The following MMS19 variants were observed in gnomAD, a reference collection of about 807,000 sequenced individuals.
MMS19 encodes the protein MMS19 cytosolic iron-sulfur assembly component, also known as MMS19 nucleotide excision repair protein homolog.
A neutral mutation model predicts 129.8 loss-of-function variants in MMS19; 77 were observed. The ratio of observed to expected loss-of-function variants is 0.59; its 90% CI spans 0.49 to 0.72. MMS19 has a LOEUF of 0.72. MMS19 is among the 30% of genes least tolerant of loss of function. MMS19 has a pLI of 0.00. For synonymous variants in MMS19, 491 were observed against 502.8 expected, an observed-to-expected ratio of 0.98 and a Z score of 0.31; for missense variants, 1,168 against 1,266.3, an observed-to-expected ratio of 0.92 and a Z score of 1.18.
At chr10:97,467,634 A>G (rs1464652027) in intron 13 of MMS19, 51 bp from the exon 14 acceptor site, 1 of 1,545,804 alleles carries the variant, frequency 6.5e-7, no homozygotes, top group Non-Finnish European at 8.9e-7. Context: ...AAAGGATTTC[A>G]ATCCTGCTAC....
intron 1 of MMS19, among the ~76,000 whole-genome samples, chr10:97,487,520 C>T (rs1000315998): frequency 1.6e-4 from 24 of 151,894 alleles, no homozygotes; most frequent in African/African-American, 5.1e-4. Context: ...GGGGTTTCAC[C>T]GTGTTAGCCA....
intron 1 of MMS19, among the ~76,000 whole-genome samples, chr10:97,490,658 A>T (rs146722540): frequency 3.3e-5 from 5 of 152,334 alleles, no homozygotes; most frequent in African/African-American, 1.2e-4. Flanking sequence ...AAGAAATCCT[A>T]AACTTCCAGT....
At position 97,459,484 on chromosome 10, in the gene MMS19, C is replaced by A. The variant is rs779217241; in HGVS notation, c.2782G>T (p.Val928Leu). 1 of 1,613,204 alleles carries A rather than the reference C, an allele frequency of 6.2e-7. No homozygotes were observed. Among genetic ancestry groups the A allele is most frequent in the Non-Finnish European group, 8.5e-7 (1 of 1,179,678 alleles). ...CAGCTGAGGGTGGAGAGCTGCACCA[C>A]ACAGTCAGGGCAGGACAGGGCCTCC... ...LLEALSCPDC[V>L]VQLSTLSCLQ... The change falls in exon 28 of 31, where the codon GTG becomes TTG. Residue 928 changes from valine to leucine, a missense_variant. Coordinates refer to ENST00000438925, the MANE Select transcript of MMS19 (RefSeq NM_022362.5).
At chr10:97,469,774 G>A (rs917891054) in intron 10 of MMS19, 51 bp from the exon 11 acceptor site, 12 of 1,524,458 alleles carry the variant, frequency 7.9e-6, no homozygotes, top group Middle Eastern at 1.8e-4. Context: ...GACACCCTAG[G>A]ATGTGCAGGT....
Position 97,477,907 on chromosome 10 carries a change from G to T in MMS19, c.371C>A (p.Pro124Gln), listed in dbSNP as rs780430160. ...KALSLCVALP[P>Q]GLAVSVLKAI... ...TTTAAGCACAGAAACAGCCAGCCCT[G>T]GGGGCAGGGCCACACACAGGCTCTG... The change falls in exon 5 of 31, where the codon CCA becomes CAA. Residue 124 changes from proline to glutamine, a missense_variant. By Grantham distance (76) the Pro-to-Gln change is moderately conservative. Transcript: ENST00000438925. The T allele has an allele frequency of 9.3e-6, 15 of 1,607,422 alleles. No individual in the cohort carries two copies. Among genetic ancestry groups the T allele is most frequent in the Non-Finnish European group, 1.3e-5 (15 of 1,177,382 alleles).
rs1245076004 is a variant in MMS19, at chr10:97,458,572, G to A, written c.*120C>T. On this transcript the variant is annotated 3_prime_UTR_variant, in exon 31 of 31. Coordinates refer to ENST00000438925, the MANE Select transcript of MMS19 (RefSeq NM_022362.5). ...GCCATGCAACAGAGGCCTAGCATTT[G>A]TGCTGTGTCTGTGGGAAAGGCAGTC... 4 of 941,342 alleles carry A rather than the reference G, an allele frequency of 4.2e-6. No homozygotes were observed. Among genetic ancestry groups the A allele is most frequent in the Non-Finnish European group, 4.8e-6 (3 of 628,580 alleles). 58.3% of individuals were successfully genotyped at this position (941,342 alleles called of 1,614,324 possible).
At chr10:97,473,980 A>T (rs1233860496) in intron 8 of MMS19, among the ~76,000 whole-genome samples, 1 of 151,716 alleles carries the variant, frequency 6.6e-6, no homozygotes, top group Non-Finnish European at 1.5e-5. Context: ...CTGTCTCTAT[A>T]GAAAAATACA....
At chr10:97,472,756 C>T (rs1168503705) in intron 8 of MMS19, among the ~76,000 whole-genome samples, 1 of 151,912 alleles carries the variant, frequency 6.6e-6, no homozygotes, top group Non-Finnish European at 1.5e-5. Context: ...GCTACAGACT[C>T]GACCACCACG....
intron 29 of MMS19, 79 bp from the exon 30 acceptor site, chr10:97,458,979 ATAT>A: frequency 7.1e-7 from 1 of 1,409,134 alleles, no homozygotes; most frequent in Non-Finnish European, 9.9e-7. Context: ...TGTACAACTA[ATAT>A]TCTGAGGAAA....
chr10:97,485,470 G>A (rs566344290), intron 1 of MMS19, among the ~76,000 whole-genome samples: 21 of 152,218 alleles, frequency 1.4e-4, no homozygotes, highest in African/African-American at 5.1e-4. Flanking sequence ...CCACCACCAC[G>A]CCTGGCTAAT....
chr10:97,498,311 A>T lies in MMS19; in HGVS notation c.74T>A (p.Val25Glu). Residue 25 changes from valine to glutamate, a missense_variant, in exon 1 of 31, where the codon GTG (valine) becomes GAG (glutamate). Physicochemically the swap from Val to Glu is moderately radical, Grantham distance 121. Coordinates refer to ENST00000438925, the MANE Select transcript of MMS19 (RefSeq NM_022362.5). ...ALWGLVHDFV[V>E]GQQEGPADQV... ...GTCAGCGGGGCCCTCTTGCTGACCC[A>T]CGACGAAGTCGTGCACGAGGCCCCA... 6.4e-7 allele frequency: 1 copy of T among 1,573,070 alleles called. No individual in the cohort carries two copies. Among genetic ancestry groups the T allele is most frequent in the Non-Finnish European group, 8.6e-7 (1 of 1,166,518 alleles).
rs773659744 is a variant in MMS19 at position 97,476,693 on chromosome 10, T to C, written c.674A>G (p.Asp225Gly). Residue 225 changes from aspartate to glycine, a missense_variant, in exon 8 of 31, where the codon GAT becomes GGT. Transcript: ENST00000438925. Reference protein sequence around the residue: ...FEVTSCYFPIDFTPPPNDPHG... With the variant: ...FEVTSCYFPIGFTPPPNDPHG... ...GAAGGTGCTACTTACAGGGGTAAAA[T>C]CGATAGGGAAATAACAGGATGTCAC... 12 of 1,613,674 alleles carry C rather than the reference T, an allele frequency of 7.4e-6. 1 individual carries two copies. Among genetic ancestry groups the C allele is most frequent in the South Asian group, 4.4e-5 (4 of 91,030 alleles).
Position 97,461,508 on chromosome 10 carries a change from TGTTGAGGAGTCCTGCAAA to T in MMS19, c.2281_2298del (p.Phe761_Asn766del). 1.9e-6 allele frequency: 3 copies of T among 1,606,636 alleles called. No homozygotes were observed. The highest frequency in any genetic ancestry group is 2.5e-6 in the Non-Finnish European group (3 of 1,176,558). On this transcript the variant is annotated inframe_deletion, in exon 23 of 31. Transcript: ENST00000438925. ...CTGATCTCAGTACCTGCAGGGTGCT[TGTTGAGGAGTCCTGCAAA>T]GCACTTGGCAGCAGCGGTGGAAGAA...
At chr10:97,488,301 T>C (rs2038263560) in intron 1 of MMS19, among the ~76,000 whole-genome samples, 1 of 152,192 alleles carries the variant, frequency 6.6e-6, no homozygotes, top group South Asian at 2.1e-4. Flanking sequence ...TGTTTGGTCA[T>C]GATATTCAGA....
intron 25 of MMS19, 158 bp from the exon 26 acceptor site, chr10:97,460,390 G>A (rs2031445598): frequency 1.5e-6 from 1 of 669,546 alleles, no homozygotes; most frequent in Non-Finnish European, 2.5e-6. Flanking sequence ...GGGCAACATG[G>A]CCAAACCCAG....
At chr10:97,483,927 CTT>C (rs1318082887) in intron 2 of MMS19, among the ~76,000 whole-genome samples, 174 bp downstream of exon 2, 2 of 152,202 alleles carry the variant, frequency 1.3e-5, no homozygotes, top group African/African-American at 4.8e-5. Context: ...CAGCATGAAA[CTT>C]TTTTCAGGAG....
At chr10:97,472,875 G>A (rs2035021280) in intron 8 of MMS19, among the ~76,000 whole-genome samples, 1 of 151,894 alleles carries the variant, frequency 6.6e-6, no homozygotes, top group Non-Finnish European at 1.5e-5. Flanking sequence ...CCAAAGTAGC[G>A]GGATTACAAG....
chr10:97,465,682 T>C, intron 18 of MMS19, 123 bp downstream of exon 18: 1 of 978,182 alleles, frequency 1.0e-6, no homozygotes, highest in Non-Finnish European at 1.5e-6. Context: ...CATCAGTATT[T>C]TTTTTTTCTT....
At chr10:97,467,624 A>G (rs2033784308) in intron 13 of MMS19, 41 bp from the exon 14 acceptor site, 1 of 1,579,594 alleles carries the variant, frequency 6.3e-7, no homozygotes, top group East Asian at 2.2e-5. Context: ...AGAATATTTT[A>G]AAGGATTTCA....
Sources: allele counts gnomAD v4.1 joint callset (sites outside exome capture counted in the v4.1 genomes callset), GRCh38; gene constraint gnomAD v4.1.1; transcripts MANE v1.5; gene names NCBI Gene and HGNC (gene_info 2026-07-23, HGNC 2026-07-21).